The following MECOM variants were observed in gnomAD, a reference collection of about 807,000 sequenced individuals.
MECOM encodes the protein MDS1 and EVI1 complex locus, also known as histone-lysine N-methyltransferase MECOM.
In MECOM, 13 loss-of-function variants were observed where a neutral mutation model predicts 116.3. That is an observed-to-expected ratio of 0.11 (90% CI 0.07 to 0.18). MECOM has a LOEUF of 0.18. Ranked by LOEUF, MECOM falls within the 10% of genes least tolerant of loss-of-function variation. The pLI is 1.00. For missense variants in MECOM, 1,299 were observed against 1,509.0 expected (o/e 0.86, Z 2.31); for synonymous variants, 528 against 535.2 (o/e 0.99, Z 0.19).
intron 1 of MECOM, among the ~76,000 whole-genome samples, chr3:169,520,935 C>T (rs1357968127): frequency 6.6e-6 from 1 of 152,160 alleles, no homozygotes; most frequent in East Asian, 1.9e-4. Flanking sequence ...CCAATATGTT[C>T]AGCGAGATAA....
intron 2 of MECOM, chr3:169,147,695 T>C (rs1740320959): frequency 1.0e-6 from 1 of 984,774 alleles, no homozygotes; most frequent in Non-Finnish European, 1.2e-6. Context: ...TCCGTTTCGA[T>C]GTCTTGAAAG....
At chr3:169,652,194 A>C (rs2110086891) in intron 1 of MECOM, among the ~76,000 whole-genome samples, 1 of 152,370 alleles carries the variant, frequency 6.6e-6, no homozygotes, top group South Asian at 2.1e-4. Context: ...TCTGGAAAGA[A>C]GCTCCATACT....
intron 2 of MECOM, chr3:169,269,154 T>G (rs1427007282): frequency 6.6e-6 from 1 of 152,074 alleles, no homozygotes; most frequent in African/African-American, 2.4e-5. Context: ...CTCATGCTAT[T>G]CCTAGGTGGT....
chr3:169,394,118 G>T (rs186196658), intron 1 of MECOM, among the ~76,000 whole-genome samples: 2 of 152,070 alleles, frequency 1.3e-5, no homozygotes, highest in Admixed American at 6.6e-5. Context: ...TGCTGTTGTT[G>T]TATTAATACG....
At position 169,663,520 on chromosome 3, in the gene MECOM, CTCT is replaced by C; in HGVS notation, c.-151_-149del. ...TCTCTCTCTCTCTCTCTCTCTCTCTCTCTCTCTCTCCCTCCCTCCTGTTTCTCT... is the reference window on the plus strand; with the variant it reads ...TCTCTCTCTCTCTCTCTCTCTCTCTCCTCTCTCCCTCCCTCCTGTTTCTCT... On this transcript the variant is annotated 5_prime_UTR_variant, in exon 1 of 17. Transcript: ENST00000651503. The C allele has an allele frequency of 1.5e-6, 1 of 669,326 alleles. No homozygotes were observed. Among genetic ancestry groups the C allele is most frequent in the Non-Finnish European group, 2.6e-6 (1 of 380,544 alleles). 41.5% of individuals were successfully genotyped at this position (669,326 alleles called of 1,614,324 possible).
At chr3:169,446,754 T>G (rs1744697797) in intron 1 of MECOM, among the ~76,000 whole-genome samples, 1 of 152,336 alleles carries the variant, frequency 6.6e-6, no homozygotes, top group South Asian at 2.1e-4. Context: ...CTGAGAGAGC[T>G]TCTCATGATC....
intron 1 of MECOM, among the ~76,000 whole-genome samples, chr3:169,580,955 T>C (rs16854114): frequency 0.051 from 7,750 of 152,250 alleles, 431 homozygotes; most frequent in East Asian, 0.32. Flanking sequence ...CAGCCAAATA[T>C]TGTGGTGACA....
At chr3:169,552,970 CTT>C (rs1761587129) in intron 1 of MECOM, among the ~76,000 whole-genome samples, 1 of 151,690 alleles carries the variant, frequency 6.6e-6, no homozygotes, top group South Asian at 2.1e-4. Flanking sequence ...AAACCTTAAA[CTT>C]ATAATATTTT....
chr3:169,305,885 T>A (rs1456985925), intron 2 of MECOM, among the ~76,000 whole-genome samples: 1 of 152,186 alleles, frequency 6.6e-6, no homozygotes, highest in Non-Finnish European at 1.5e-5. Context: ...ACTCAGTTTT[T>A]TAACCCTGTA....
intron 12 of MECOM, among the ~76,000 whole-genome samples, chr3:169,096,199 T>C (rs1219956170): frequency 1.3e-5 from 2 of 152,132 alleles, no homozygotes; most frequent in African/African-American, 4.8e-5. Flanking sequence ...GATTCCATTA[T>C]TTGCCATCAT....
chr3:169,198,766 C>T (rs149038490), intron 2 of MECOM, among the ~76,000 whole-genome samples: 1,785 of 151,934 alleles, frequency 0.012, 44 homozygotes, highest in African/African-American at 0.041. Context: ...CATAACAGGC[C>T]GGTGCAGTGG....
At chr3:169,480,552 C>G (rs73174312) in intron 1 of MECOM, among the ~76,000 whole-genome samples, 2 of 152,024 alleles carry the variant, frequency 1.3e-5, no homozygotes, top group African/African-American at 4.8e-5. Context: ...TACCTCTTTA[C>G]GTAAATAAGT....
At chr3:169,376,566 A>G (rs1478181924) in intron 2 of MECOM, among the ~76,000 whole-genome samples, 3 of 152,260 alleles carry the variant, frequency 2.0e-5, no homozygotes, top group East Asian at 3.9e-4. Flanking sequence ...TCATGAGTGG[A>G]CTCCCATTTA....
At position 169,663,317 on chromosome 3, in the gene MECOM, A is replaced by G; in HGVS notation, c.37+19T>C. On this transcript the variant is annotated intron_variant, in intron 1 of 16. Transcript: ENST00000651503. ...CAGAGGAGGGGGAAAAGCCAATAGA[A>G]AAGGGATATTGCACCTACTTGTGGC... The G allele has an allele frequency of 6.2e-7, 1 of 1,605,178 alleles. No homozygotes were observed. Among genetic ancestry groups the G allele is most frequent in the Non-Finnish European group, 8.5e-7 (1 of 1,175,800 alleles).
At chr3:169,294,821 C>A (rs1035923085) in intron 2 of MECOM, among the ~76,000 whole-genome samples, 1 of 152,128 alleles carries the variant, frequency 6.6e-6, no homozygotes, top group African/African-American at 2.4e-5. Context: ...TGTGCCCAAA[C>A]AGAGCTTGGT....
At chr3:169,203,505 A>G (rs1463471344) in intron 2 of MECOM, among the ~76,000 whole-genome samples, 1 of 152,178 alleles carries the variant, frequency 6.6e-6, no homozygotes. Context: ...AATAATGTCA[A>G]TGAGGTAACA....
chr3:169,641,987 T>C (rs575575060), intron 1 of MECOM, among the ~76,000 whole-genome samples: 2 of 152,364 alleles, frequency 1.3e-5, no homozygotes, highest in African/African-American at 4.8e-5. Flanking sequence ...CATTTACCAG[T>C]GATCTGTCAT....
chr3:169,112,816 G>A lies in MECOM; in HGVS notation c.2548C>T (p.Pro850Ser). The A allele has an allele frequency of 6.2e-7, 1 of 1,612,996 alleles. No individual in the cohort carries two copies. Among genetic ancestry groups the A allele is most frequent in the Non-Finnish European group, 8.5e-7 (1 of 1,179,326 alleles). ...GGGTGAAACAAGAATCCTGGAGAAG[G>A]CCTCAAGTATTTCTCTTTTAAAGCT... ...LEALKEKYLRPSPGFLFHPQF... is the reference protein window; with the variant it reads ...LEALKEKYLRSSPGFLFHPQF... Residue 850 changes from proline to serine, a missense_variant, in exon 9 of 17, where the codon CCT (proline) becomes TCT (serine). Physicochemically the swap from Pro to Ser is moderately conservative, Grantham distance 74 (BLOSUM62 -1). Transcript: ENST00000651503.
chr3:169,472,288 A>G (rs1239013495), intron 1 of MECOM, among the ~76,000 whole-genome samples: 1 of 150,634 alleles, frequency 6.6e-6, no homozygotes, highest in Non-Finnish European at 1.5e-5. Context: ...AAAAAAAACA[A>G]TAATAATAAT....
Sources: allele counts gnomAD v4.1 joint callset (sites outside exome capture counted in the v4.1 genomes callset), GRCh38; gene constraint gnomAD v4.1.1; transcripts MANE v1.5; gene names NCBI Gene and HGNC (gene_info 2026-07-23, HGNC 2026-07-21).